Variants in DUSP16 observed in about 807,000 individuals in gnomAD.
DUSP16 encodes dual specificity phosphatase 16, also known as dual specificity protein phosphatase 16.
A neutral mutation model predicts 58.3 loss-of-function variants in DUSP16; 21 were observed. The ratio of observed to expected loss-of-function variants is 0.36; its 90% CI spans 0.26 to 0.52. DUSP16 has a LOEUF of 0.52. Ranked by LOEUF, DUSP16 falls within the 20% of genes least tolerant of loss-of-function variation. The pLI, the probability that DUSP16 is intolerant of heterozygous loss-of-function variation, is 0.94. For missense variants in DUSP16, 726 were observed against 819.0 expected (o/e 0.89, Z 1.39); for synonymous variants, 320 against 323.8 (o/e 0.99, Z 0.12).
chr12:12,542,388 GA>G (rs56822339), intron 1 of DUSP16, among the ~76,000 whole-genome samples: 21,165 of 109,572 alleles, frequency 0.19, 1,786 homozygotes, highest in East Asian at 0.33. Flanking sequence ...AAAGAAAAGA[GA>G]AAAAAAAAAA....
intron 1 of DUSP16, among the ~76,000 whole-genome samples, chr12:12,555,317 T>C (rs566235272): frequency 3.3e-5 from 5 of 152,260 alleles, no homozygotes; most frequent in African/African-American, 1.2e-4. Context: ...AGTCAACCCC[T>C]TGCAAACTGC....
intron 3 of DUSP16, chr12:12,506,331 A>G (rs1943996648): frequency 6.6e-6 from 1 of 152,210 alleles, no homozygotes; most frequent in Non-Finnish European, 1.5e-5. Flanking sequence ...GAGACAAAGA[A>G]TCAAGCGTCC....
chr12:12,555,745 T>G (rs142085331), intron 1 of DUSP16, among the ~76,000 whole-genome samples: 58 of 152,294 alleles, frequency 3.8e-4, no homozygotes, highest in African/African-American at 1.4e-3. Flanking sequence ...ATAGCTGTAA[T>G]TCTTTTCTAA....
chr12:12,549,984 C>T (rs1239756445), intron 1 of DUSP16, among the ~76,000 whole-genome samples: 2 of 152,122 alleles, frequency 1.3e-5, no homozygotes, highest in Non-Finnish European at 2.9e-5. Flanking sequence ...GGACATGTTA[C>T]TTTATTGATT....
At chr12:12,482,223 G>A (rs1943582904) in intron 5 of DUSP16, among the ~76,000 whole-genome samples, 1 of 152,050 alleles carries the variant, frequency 6.6e-6, no homozygotes, top group Non-Finnish European at 1.5e-5. Flanking sequence ...TTAACGCTAG[G>A]CACATGGTAG....
intron 4 of DUSP16, among the ~76,000 whole-genome samples, chr12:12,493,189 G>A (rs1172735565): frequency 2.0e-5 from 3 of 152,018 alleles, no homozygotes; most frequent in African/African-American, 2.4e-5. Context: ...CGAACTCAGC[G>A]TGTCCAGAAC....
intron 1 of DUSP16, among the ~76,000 whole-genome samples, chr12:12,542,690 G>C (rs1944582642): frequency 6.6e-6 from 1 of 152,072 alleles, no homozygotes; most frequent in African/African-American, 2.4e-5. Context: ...TCAATAAACT[G>C]TCATTTTTAA....
At chr12:12,546,930 T>C (rs1420853125) in intron 1 of DUSP16, among the ~76,000 whole-genome samples, 1 of 152,196 alleles carries the variant, frequency 6.6e-6, no homozygotes, top group Admixed American at 6.5e-5. Flanking sequence ...AATTTTATCT[T>C]AGCAGTACCC....
chr12:12,558,194 T>C (rs1471122737), intron 1 of DUSP16, among the ~76,000 whole-genome samples: 1 of 152,262 alleles, frequency 6.6e-6, no homozygotes, highest in Non-Finnish European at 1.5e-5. Flanking sequence ...GCTTGATTCC[T>C]ATCAGTAGTT....
intron 3 of DUSP16, among the ~76,000 whole-genome samples, chr12:12,510,098 GCAGGA>G (rs750632507): frequency 2.7e-4 from 41 of 152,032 alleles, no homozygotes; most frequent in Non-Finnish European, 5.6e-4. Context: ...CCTAAATGGC[GCAGGA>G]CTCCACACCG....
At chr12:12,481,176 T>C (rs2287206) in intron 5 of DUSP16, among the ~76,000 whole-genome samples, 53,663 of 152,082 alleles carry the variant, frequency 0.35, 9,913 homozygotes, top group East Asian at 0.52. Context: ...CCAGGAGTTA[T>C]TGTCTTATGG....
intron 4 of DUSP16, among the ~76,000 whole-genome samples, chr12:12,496,373 A>G (rs752790700): frequency 2.0e-4 from 30 of 152,368 alleles, no homozygotes; most frequent in Non-Finnish European, 3.5e-4. Flanking sequence ...TAAGAAAACA[A>G]CAGAGAATGT....
chr12:12,501,117 T>C (rs1049519156), intron 3 of DUSP16, among the ~76,000 whole-genome samples: 8 of 152,192 alleles, frequency 5.3e-5, no homozygotes, highest in Non-Finnish European at 1.2e-4. Context: ...ATAAAATTGA[T>C]CGAGTCAAAA....
intron 1 of DUSP16, among the ~76,000 whole-genome samples, chr12:12,531,779 G>C (rs926773949): frequency 4.6e-5 from 7 of 152,170 alleles, no homozygotes. Flanking sequence ...GCTGAGGCAG[G>C]AGAATCGCTT....
intron 3 of DUSP16, among the ~76,000 whole-genome samples, chr12:12,511,898 G>A (rs752303456): frequency 2.0e-4 from 30 of 152,172 alleles, no homozygotes; most frequent in Admixed American, 3.3e-4. Context: ...CCCACCTGGG[G>A]CAAGGGAAGA....
intron 1 of DUSP16, among the ~76,000 whole-genome samples, chr12:12,559,367 G>A (rs1277429395): frequency 6.6e-5 from 10 of 152,150 alleles, no homozygotes; most frequent in Admixed American, 5.9e-4. Flanking sequence ...TCTTTCATCT[G>A]TTGAAATCTG....
rs757074702 is a variant in DUSP16, at chr12:12,477,184, A to G, written c.1647T>C (p.Ser549=). 1.2e-6 allele frequency: 2 copies of G among 1,614,210 alleles called. No individual in the cohort carries two copies. The highest frequency in any genetic ancestry group is 8.5e-7 in the Non-Finnish European group (1 of 1,180,034). ...ACCAGCTGCTGGTCAGGGAAGGGGT[A>G]GAGGTCTGGGGGGCCAAGATATCCG... The part of the protein sequence containing the change: ...WHSDILAPQT[S]TPSLTSSWYF... Residue 549 remains serine (S), a synonymous_variant, in exon 7 of 7, where the codon TCT becomes TCC. Coordinates refer to ENST00000298573, the MANE Select transcript of DUSP16 (RefSeq NM_030640.3). The surrounding 1 kb of genome is among the most constrained non-coding windows in gnomAD (Gnocchi z 4.1).
chr12:12,519,192 C>G (rs1944194492), intron 3 of DUSP16, among the ~76,000 whole-genome samples: 1 of 152,214 alleles, frequency 6.6e-6, no homozygotes, highest in Non-Finnish European at 1.5e-5. Context: ...TTAACTCCTA[C>G]AATGCCGTCC....
chr12:12,558,789 C>G (rs7956984), intron 1 of DUSP16, among the ~76,000 whole-genome samples: 62,605 of 151,814 alleles, frequency 0.41, 13,228 homozygotes, highest in Middle Eastern at 0.54. Context: ...TCTCTTGTTG[C>G]TGAGGTATCA....
Sources: allele counts gnomAD v4.1 joint callset (sites outside exome capture counted in the v4.1 genomes callset), GRCh38; gene constraint gnomAD v4.1.1; non-coding constraint Gnocchi (gnomAD v3.1); transcripts MANE v1.5; gene names NCBI Gene and HGNC (gene_info 2026-07-23, HGNC 2026-07-21).